ARHGAP10: variants seen among roughly 807,000 people sequenced by gnomAD.
ARHGAP10 encodes rho GTPase-activating protein 10.
In ARHGAP10, 87 loss-of-function variants were observed where a neutral mutation model predicts 108.6. The observed-to-expected ratio is 0.80, with a 90% CI of 0.67 to 0.96. ARHGAP10 has a LOEUF of 0.96. ARHGAP10 is among the 40% of genes least tolerant of loss of function. The pLI is 0.00. For missense variants in ARHGAP10, 939 were observed against 954.5 expected (o/e 0.98, Z 0.21); for synonymous variants, 347 against 341.1 (o/e 1.02, Z -0.19).
chr4:148,007,356 G>T (rs568229009), intron 18 of ARHGAP10, among the ~76,000 whole-genome samples: 1 of 152,286 alleles, frequency 6.6e-6, no homozygotes, highest in East Asian at 1.9e-4. Flanking sequence ...GATGTCATCA[G>T]GGAAGGAAGG....
intron 4 of ARHGAP10, among the ~76,000 whole-genome samples, chr4:147,848,249 A>T (rs1296315130): frequency 6.6e-6 from 1 of 152,230 alleles, no homozygotes; most frequent in African/African-American, 2.4e-5. Flanking sequence ...ACTTGTGAAA[A>T]TATTAGACAT....
intron 18 of ARHGAP10, among the ~76,000 whole-genome samples, chr4:148,004,568 C>T (rs72724397): frequency 2.0e-5 from 3 of 152,304 alleles, no homozygotes; most frequent in Non-Finnish European, 4.4e-5. Flanking sequence ...AGTAATCAAC[C>T]ACGTGAACTG....
At chr4:147,948,059 G>A (rs1198079637) in intron 15 of ARHGAP10, among the ~76,000 whole-genome samples, 1 of 151,444 alleles carries the variant, frequency 6.6e-6, no homozygotes, top group African/African-American at 2.4e-5. Context: ...TCCTGCCTCA[G>A]CCTCCTGAGT....
chr4:147,815,477 G>A (rs1732198325), intron 1 of ARHGAP10, among the ~76,000 whole-genome samples: 1 of 152,116 alleles, frequency 6.6e-6, no homozygotes, highest in Admixed American at 6.6e-5. Flanking sequence ...GGAGGCGGGG[G>A]GCGGGGGGAG....
At chr4:147,867,068 A>G (rs992372022) in intron 7 of ARHGAP10, among the ~76,000 whole-genome samples, 15 of 152,178 alleles carry the variant, frequency 9.9e-5, no homozygotes, top group African/African-American at 3.1e-4. Flanking sequence ...AAGCTTTGTT[A>G]TGTTAACTCT....
chr4:148,062,104 C>T (rs915603323), intron 20 of ARHGAP10, among the ~76,000 whole-genome samples: 14 of 152,234 alleles, frequency 9.2e-5, no homozygotes, highest in Middle Eastern at 3.4e-3. Context: ...GGCGGGACGG[C>T]CCCTGGTAGG....
chr4:147,873,708 A>ACACACACACACACACACACG (rs1196985483), intron 7 of ARHGAP10, among the ~76,000 whole-genome samples: 5 of 150,230 alleles, frequency 3.3e-5, no homozygotes, highest in African/African-American at 1.2e-4. Context: ...ACACACACAC[A>ACACACACACACACACACACG]CACACACACA....
chr4:148,021,456 G>T (rs1021726734), intron 18 of ARHGAP10, among the ~76,000 whole-genome samples: 1 of 152,240 alleles, frequency 6.6e-6, no homozygotes, highest in Non-Finnish European at 1.5e-5. Context: ...TACTGGCTGT[G>T]TGTATGGTTT....
chr4:147,818,149 T>C (rs1463899079), intron 1 of ARHGAP10, among the ~76,000 whole-genome samples: 1 of 151,632 alleles, frequency 6.6e-6, no homozygotes, highest in South Asian at 2.1e-4. Flanking sequence ...CCTATTTTTT[T>C]TTCTTCTTCT....
intron 6 of ARHGAP10, chr4:147,866,494 G>C: frequency 2.1e-6 from 1 of 480,636 alleles, no homozygotes; most frequent in East Asian, 3.5e-5. Flanking sequence ...GCTGTCTAAT[G>C]GCTGTGATAT....
chr4:147,973,520 A>T (rs1387215939), intron 18 of ARHGAP10, among the ~76,000 whole-genome samples: 1 of 152,178 alleles, frequency 6.6e-6, no homozygotes, highest in East Asian at 1.9e-4. Flanking sequence ...GCATTTATCC[A>T]TTCTTTGTGT....
intron 18 of ARHGAP10, among the ~76,000 whole-genome samples, chr4:147,991,747 A>G (rs1487429998): frequency 6.6e-6 from 1 of 152,222 alleles, no homozygotes; most frequent in East Asian, 1.9e-4. Context: ...AACAGGTCCA[A>G]GTTTGCAGGC....
At chr4:147,747,469 G>C (rs1258085102) in intron 1 of ARHGAP10, among the ~76,000 whole-genome samples, 1 of 152,262 alleles carries the variant, frequency 6.6e-6, no homozygotes, top group African/African-American at 2.4e-5. Flanking sequence ...ACCCATCAGT[G>C]GGTGGTATGC....
intron 18 of ARHGAP10, among the ~76,000 whole-genome samples, chr4:147,974,181 C>G (rs540363882): frequency 6.6e-6 from 1 of 151,898 alleles, no homozygotes; most frequent in Non-Finnish European, 1.5e-5. Context: ...TACATCCTTG[C>G]CAACATTTTT....
chr4:148,036,255 T>A (rs1728373652), intron 19 of ARHGAP10, among the ~76,000 whole-genome samples: 1 of 152,194 alleles, frequency 6.6e-6, no homozygotes, highest in Admixed American at 6.6e-5. Context: ...TTTCTGTAGA[T>A]CTTATCTGTT....
At chr4:147,765,067 T>TCGTAGATTC (rs952729326) in intron 1 of ARHGAP10, among the ~76,000 whole-genome samples, 1 of 152,184 alleles carries the variant, frequency 6.6e-6, no homozygotes, top group Non-Finnish European at 1.5e-5. Context: ...CTGTAGGTGT[T>TCGTAGATTC]CGTAGATTCC....
At chr4:147,987,435 T>C (rs1328445971) in intron 18 of ARHGAP10, among the ~76,000 whole-genome samples, 1 of 152,232 alleles carries the variant, frequency 6.6e-6, no homozygotes, top group Non-Finnish European at 1.5e-5. Flanking sequence ...TACCTTTTTC[T>C]GGGTCCCTCC....
chr4:147,882,462 C>CAAAA (rs111560424), intron 10 of ARHGAP10, among the ~76,000 whole-genome samples: 39 of 145,230 alleles, frequency 2.7e-4, no homozygotes, highest in African/African-American at 6.6e-4. Context: ...GACTCCGTTT[C>CAAAA]AAAAAAAAAA....
chr4:147,791,492 A>G (rs1031865234), intron 1 of ARHGAP10, among the ~76,000 whole-genome samples: 1 of 152,098 alleles, frequency 6.6e-6, no homozygotes, highest in Admixed American at 6.5e-5. Flanking sequence ...TAAAAACCTA[A>G]CATATAGCAT....
Sources: allele counts gnomAD v4.1 joint callset (sites outside exome capture counted in the v4.1 genomes callset), GRCh38; gene constraint gnomAD v4.1.1; transcripts MANE v1.5; gene names NCBI Gene and HGNC (gene_info 2026-07-23, HGNC 2026-07-21).